The following TRAPPC9 variants were observed in gnomAD, a reference collection of about 807,000 sequenced individuals.
TRAPPC9 encodes the protein trafficking protein particle complex subunit 9, also known as IKK2 binding protein.
A neutral mutation model predicts 124.0 loss-of-function variants in TRAPPC9; 83 were observed. The observed-to-expected ratio is 0.67, with a 90% CI of 0.56 to 0.80. TRAPPC9 has a LOEUF of 0.80. Among genes scored for constraint, TRAPPC9 ranks in the 30% least tolerant of loss-of-function variants. The pLI, the probability that TRAPPC9 is intolerant of heterozygous loss-of-function variation, is 0.00. For missense variants in TRAPPC9, 1,302 were observed against 1,508.3 expected (o/e 0.86, Z 2.27); for synonymous variants, 638 against 617.5 (o/e 1.03, Z -0.49).
At chr8:139,863,209 T>C (rs545557806) in intron 21 of TRAPPC9, among the ~76,000 whole-genome samples, 15 of 152,238 alleles carry the variant, frequency 9.9e-5, no homozygotes, top group Non-Finnish European at 1.8e-4. Context: ...AGGTGGGTCC[T>C]AGCATGGTGC....
At chr8:139,942,191 C>A (rs1027184389) in intron 19 of TRAPPC9, among the ~76,000 whole-genome samples, 5 of 152,184 alleles carry the variant, frequency 3.3e-5, no homozygotes, top group Non-Finnish European at 7.3e-5. Flanking sequence ...CACGTAGCAA[C>A]CCTTCTCTAG....
rs1423661353 is a variant in TRAPPC9, at chr8:139,776,183, G to A, written c.3056-43981C>T. Among the ~76,000 whole-genome samples, 1 of 152,154 alleles carries A rather than the reference G, an allele frequency of 6.6e-6. No homozygotes were observed. The highest frequency in any genetic ancestry group is 1.5e-5 in the Non-Finnish European group (1 of 68,040). On this transcript the variant is annotated intron_variant, in intron 21 of 22. Coordinates refer to ENST00000438773, the MANE Select transcript of TRAPPC9 (RefSeq NM_001160372.4). This position sits in a 1 kb window ranked among gnomAD's most constrained non-coding sequence, Gnocchi z 4.1. ...GCTTGGGACCCAGCCTCAGTCTCTG[G>A]GCTCCCCGACAGGGTTCCTTCCATC...
chr8:139,794,120 C>T lies in TRAPPC9; in HGVS notation c.3056-61918G>A, dbSNP rs545418118. Among the ~76,000 whole-genome samples, 18 of 152,158 alleles carry T rather than the reference C, an allele frequency of 1.2e-4. 1 individual carries two copies. In the South Asian group the frequency reaches 3.1e-3, roughly 26 times the overall value. On this transcript the variant is annotated intron_variant, in intron 21 of 22. Transcript: ENST00000438773. ...CTCTGCTGTTCTTCATGGCTCTGAGCGTCGCTGGGCAGACCCCACCCATGC... is the reference window on the plus strand; with the variant it reads ...CTCTGCTGTTCTTCATGGCTCTGAGTGTCGCTGGGCAGACCCCACCCATGC...
At chr8:140,033,198 C>G in intron 17 of TRAPPC9, among the ~76,000 whole-genome samples, 1 of 152,134 alleles carries the variant, frequency 6.6e-6, no homozygotes, top group East Asian at 1.9e-4. Flanking sequence ...TTTACATTTT[C>G]TTTCTTGGAC....
chr8:140,398,837 C>T (rs2132392477), intron 6 of TRAPPC9, among the ~76,000 whole-genome samples: 1 of 152,296 alleles, frequency 6.6e-6, no homozygotes, highest in African/African-American at 2.4e-5. Context: ...ATGTTAATCC[C>T]CAAGACAATG....
At chr8:140,436,102 T>C (rs1241089706) in intron 3 of TRAPPC9, among the ~76,000 whole-genome samples, 1 of 152,244 alleles carries the variant, frequency 6.6e-6, no homozygotes, top group Non-Finnish European at 1.5e-5. Flanking sequence ...TCCCAGCACT[T>C]TGGGAAGCCA....
chr8:140,410,789 G>C (rs1288482422), intron 5 of TRAPPC9, among the ~76,000 whole-genome samples: 4 of 151,650 alleles, frequency 2.6e-5, no homozygotes, highest in Non-Finnish European at 5.9e-5. Flanking sequence ...CTTGCAGTGA[G>C]CTGAGACTGT....
At position 139,730,969 on chromosome 8, in the gene TRAPPC9, C is replaced by T. The variant is rs1817780179; in HGVS notation, c.*92G>A. On this transcript the variant is annotated 3_prime_UTR_variant, in exon 23 of 23. Coordinates refer to ENST00000438773, the MANE Select transcript of TRAPPC9 (RefSeq NM_001160372.4). Reference sequence around the variant, plus strand: ...TCTGGGGGAGGAGGAGGAGATGGGGCTGCAGTGAAGGCCTTGCTCATTGCA... The same window carrying T: ...TCTGGGGGAGGAGGAGGAGATGGGGTTGCAGTGAAGGCCTTGCTCATTGCA... 1.4e-6 allele frequency: 2 copies of T among 1,405,852 alleles called. No individual in the cohort carries two copies. The highest frequency in any genetic ancestry group is 1.3e-5 in the South Asian group (1 of 78,608). 87.1% of individuals were successfully genotyped at this position (1,405,852 alleles called of 1,614,324 possible).
intron 16 of TRAPPC9, among the ~76,000 whole-genome samples, chr8:140,222,445 G>T (rs1011870470): frequency 6.6e-6 from 1 of 152,116 alleles, no homozygotes; most frequent in Non-Finnish European, 1.5e-5. Flanking sequence ...TGGCTTTCGT[G>T]GTTCGCACCA....
chr8:140,171,195 A>C (rs746276422), intron 17 of TRAPPC9, among the ~76,000 whole-genome samples: 6 of 152,196 alleles, frequency 3.9e-5, no homozygotes, highest in African/African-American at 7.2e-5. Context: ...ATCTCTGGCT[A>C]AACAACCAAA....
chr8:140,213,780 T>C (rs561953827), intron 17 of TRAPPC9, among the ~76,000 whole-genome samples: 80 of 152,378 alleles, frequency 5.3e-4, no homozygotes, highest in Middle Eastern at 3.4e-3. Flanking sequence ...CCCCGCCTCC[T>C]GGCAAACTAG....
Position 140,300,506 on chromosome 8 carries a change from G to A in TRAPPC9, c.1731C>T (p.Ile577=), listed in dbSNP as rs756282844. 15 of 1,614,112 alleles carry A rather than the reference G, an allele frequency of 9.3e-6. No homozygotes were observed. The highest frequency in any genetic ancestry group is 7.7e-5 in the South Asian group (7 of 91,088). The change falls in exon 11 of 23, where the codon ATC becomes ATT. Residue 577 remains isoleucine (I), a synonymous_variant. Transcript: ENST00000438773. ...TKSPFIYSPI[I]AHNRGEERNK... ...TCCGCTCTTCTCCACGGTTGTGTGC[G>A]ATAATTGGTGAATAGATGAAAGGAC...
chr8:139,895,647 C>A (rs1029952097), intron 20 of TRAPPC9, among the ~76,000 whole-genome samples: 7 of 152,170 alleles, frequency 4.6e-5, no homozygotes, highest in Non-Finnish European at 1.0e-4. Flanking sequence ...TCACTATGGG[C>A]CTGGGACGCT....
chr8:139,887,282 A>T (rs1452241079), intron 20 of TRAPPC9, among the ~76,000 whole-genome samples: 2 of 145,254 alleles, frequency 1.4e-5, no homozygotes, highest in African/African-American at 5.2e-5. Flanking sequence ...GTGCTGTGGC[A>T]TGATCTCGGC....
chr8:140,413,304 G>A (rs777425125), intron 5 of TRAPPC9, among the ~76,000 whole-genome samples: 3 of 152,014 alleles, frequency 2.0e-5, no homozygotes, highest in African/African-American at 4.8e-5. Context: ...CAAGAGAATC[G>A]CTTGAACCAG....
chr8:140,351,497 G>A (rs573829246), intron 9 of TRAPPC9, among the ~76,000 whole-genome samples: 1 of 152,202 alleles, frequency 6.6e-6, no homozygotes, highest in African/African-American at 2.4e-5. Context: ...GGCTGGGTGT[G>A]GTGGCTCATG....
At chr8:140,086,576 T>C (rs992942030) in intron 17 of TRAPPC9, among the ~76,000 whole-genome samples, 5 of 152,224 alleles carry the variant, frequency 3.3e-5, no homozygotes, top group South Asian at 2.1e-4. Flanking sequence ...TCTTCCACTG[T>C]TCAATCCTTG....
At chr8:140,125,753 C>T (rs2061083461) in intron 17 of TRAPPC9, among the ~76,000 whole-genome samples, 2 of 151,918 alleles carry the variant, frequency 1.3e-5, no homozygotes, top group Non-Finnish European at 2.9e-5. Context: ...TGCCACCACA[C>T]CCAGCTAATT....
At position 140,311,250 on chromosome 8, in the gene TRAPPC9, G is replaced by T; in HGVS notation, c.1620C>A (p.Val540=). The change falls in exon 10 of 23, where the codon GTC becomes GTA. Residue 540 remains valine, a splice_region_variant and synonymous_variant. Coordinates refer to ENST00000438773, the MANE Select transcript of TRAPPC9 (RefSeq NM_001160372.4). ...PPVPFTKLPI[V]RHVKLLNLPA... ...CGGCTCTGCAGTGCCCATCTCACCT[G>T]ACGATGGGAAGCTTGGTGAAGGGCA... 6.2e-7 allele frequency: 1 copy of T among 1,610,892 alleles called. No individual in the cohort carries two copies. Among genetic ancestry groups the T allele is most frequent in the South Asian group, 1.1e-5 (1 of 91,066 alleles).
Sources: allele counts gnomAD v4.1 joint callset (sites outside exome capture counted in the v4.1 genomes callset), GRCh38; gene constraint gnomAD v4.1.1; non-coding constraint Gnocchi (gnomAD v3.1); transcripts MANE v1.5; gene names NCBI Gene and HGNC (gene_info 2026-07-23, HGNC 2026-07-21).